TNFSF4: variants seen among roughly 807,000 people sequenced by gnomAD.
The protein encoded by TNFSF4 is tumor necrosis factor ligand superfamily member 4.
In TNFSF4, 4 loss-of-function variants were observed where a neutral mutation model predicts 7.3. That is an observed-to-expected ratio of 0.55 (90% CI 0.27 to 1.25). The LOEUF is 1.25. Among genes scored for constraint, TNFSF4 ranks in the 50% most tolerant of loss-of-function variants. The pLI is 0.12. For synonymous variants in TNFSF4, 76 were observed against 83.7 expected (o/e 0.91, Z 0.50); for missense variants, 181 against 208.8 (o/e 0.87, Z 0.82).
At chr1:173,229,000 C>T in the TNFSF4 span, among the ~76,000 whole-genome samples, 11 of 152,320 alleles carry the variant, frequency 7.2e-5, no homozygotes, top group South Asian at 1.0e-3. Context: ...AGTTGGGAAA[C>T]ACTCTGCAGA....
chr1:173,370,995 C>A, the TNFSF4 span, among the ~76,000 whole-genome samples: 2 of 152,212 alleles, frequency 1.3e-5, no homozygotes, highest in Non-Finnish European at 2.9e-5. Flanking sequence ...AGATGCACTG[C>A]CCCAGACTGC....
the TNFSF4 span, among the ~76,000 whole-genome samples, chr1:173,178,247 G>A: frequency 6.6e-5 from 10 of 152,116 alleles, no homozygotes; most frequent in Admixed American, 2.0e-4. Flanking sequence ...CCTTTAGGAA[G>A]GGCTCATAGG....
chr1:173,307,036 G>A, the TNFSF4 span, among the ~76,000 whole-genome samples: 1 of 151,818 alleles, frequency 6.6e-6, no homozygotes, highest in African/African-American at 2.4e-5. Context: ...TTGCTTCTTG[G>A]AATGATCAGT....
the TNFSF4 span, among the ~76,000 whole-genome samples, chr1:173,379,529 T>C: frequency 6.6e-5 from 10 of 152,242 alleles, no homozygotes; most frequent in African/African-American, 2.2e-4. Flanking sequence ...CAATTGATCC[T>C]AAAAGATAAG....
chr1:173,439,901 C>T, the TNFSF4 span, among the ~76,000 whole-genome samples: 1 of 152,186 alleles, frequency 6.6e-6, no homozygotes. Flanking sequence ...ACATGCTGAT[C>T]AAGTTTTAAT....
the TNFSF4 span, among the ~76,000 whole-genome samples, chr1:173,448,252 T>C: frequency 2.0e-5 from 3 of 152,220 alleles, no homozygotes; most frequent in Admixed American, 1.3e-4. Flanking sequence ...AACAACGTTA[T>C]GTCCAGTTGA....
Position 173,188,502 on chromosome 1 carries a change from A to C in TNFSF4, c.202+19T>G, listed in dbSNP as rs747101816. The C allele has an allele frequency of 6.3e-7, 1 of 1,584,430 alleles. No individual in the cohort carries two copies. Among genetic ancestry groups the C allele is most frequent in the Admixed American group, 1.7e-5 (1 of 59,502 alleles). ...TTCTTTCAAAAATATGAATCAATTA[A>C]ACTTTTGACAATACTTACCGGTAAA... On this transcript the variant is annotated intron_variant, in intron 2 of 2. Transcript: ENST00000281834.
chr1:173,429,248 A>T, the TNFSF4 span, among the ~76,000 whole-genome samples: 1 of 152,162 alleles, frequency 6.6e-6, no homozygotes, highest in Non-Finnish European at 1.5e-5. Flanking sequence ...GGTTTCTACG[A>T]AAAATGATTA....
the TNFSF4 span, among the ~76,000 whole-genome samples, chr1:173,397,427 T>A: frequency 2.0e-5 from 3 of 152,220 alleles, no homozygotes; most frequent in Non-Finnish European, 4.4e-5. Flanking sequence ...TTTTCAGGAC[T>A]ACTGGACCCT....
chr1:173,378,923 G>C, the TNFSF4 span, among the ~76,000 whole-genome samples: 1 of 152,018 alleles, frequency 6.6e-6, no homozygotes, highest in African/African-American at 2.4e-5. Flanking sequence ...CAAGCTGTAG[G>C]GGGAGGGGAA....
At chr1:173,414,157 C>T in the TNFSF4 span, among the ~76,000 whole-genome samples, 1 of 152,162 alleles carries the variant, frequency 6.6e-6, no homozygotes, top group African/African-American at 2.4e-5. Context: ...GGGCTTAAAC[C>T]ACAGACATTT....
the TNFSF4 span, among the ~76,000 whole-genome samples, chr1:173,356,534 T>A: frequency 6.6e-6 from 1 of 152,258 alleles, no homozygotes; most frequent in African/African-American, 2.4e-5. Context: ...TTTTTTGGTC[T>A]AGTACCTGAC....
chr1:173,390,117 A>G, the TNFSF4 span, among the ~76,000 whole-genome samples: 1 of 152,200 alleles, frequency 6.6e-6, no homozygotes, highest in Non-Finnish European at 1.5e-5. Context: ...TTATTAGAGC[A>G]TGTGGACAAT....
chr1:173,419,410 T>C, the TNFSF4 span, among the ~76,000 whole-genome samples: 2 of 151,634 alleles, frequency 1.3e-5, no homozygotes, highest in Non-Finnish European at 2.9e-5. Context: ...CCACTTGCCA[T>C]GTGATGCCCT....
chr1:173,425,125 G>T, the TNFSF4 span, among the ~76,000 whole-genome samples: 1 of 111,640 alleles, frequency 9.0e-6, no homozygotes, highest in South Asian at 4.2e-4. Context: ...TTTTAATTGG[G>T]TACAAAAGTT....
chr1:173,182,219 C>T (rs2101975712), downstream of TNFSF4, among the ~76,000 whole-genome samples: 1 of 150,588 alleles, frequency 6.6e-6, no homozygotes, highest in East Asian at 1.9e-4. Context: ...AAAAGTAATT[C>T]AAAGCTTTTG....
At chr1:173,439,562 A>G in the TNFSF4 span, among the ~76,000 whole-genome samples, 1 of 152,226 alleles carries the variant, frequency 6.6e-6, no homozygotes, top group Non-Finnish European at 1.5e-5. Context: ...TGTGGCCTCA[A>G]TCCTGCTATC....
the TNFSF4 span, among the ~76,000 whole-genome samples, chr1:173,264,822 T>C: frequency 3.3e-5 from 5 of 152,312 alleles, no homozygotes; most frequent in East Asian, 9.6e-4. Context: ...CTTTCTAAAA[T>C]TCTACTGTTC....
chr1:173,346,638 A>T, the TNFSF4 span, among the ~76,000 whole-genome samples: 1 of 152,202 alleles, frequency 6.6e-6, no homozygotes, highest in African/African-American at 2.4e-5. Context: ...TAAAGAAAAT[A>T]TAAGGAGGGT....
Sources: gnomAD v4.1 joint callset for allele counts (sites outside exome capture counted in the v4.1 genomes callset) on GRCh38, gnomAD v4.1.1 for gene constraint, MANE v1.5 for transcripts, NCBI Gene and HGNC (gene_info 2026-07-23, HGNC 2026-07-21) for gene names.